Variants in AUH observed in about 807,000 individuals in gnomAD.
AUH encodes the protein AU RNA binding methylglutaconyl-CoA hydratase.
In AUH, 29 loss-of-function variants were observed where a neutral mutation model predicts 42.3. That is an observed-to-expected ratio of 0.69 (90% CI 0.51 to 0.93). The LOEUF (loss-of-function observed/expected upper bound fraction) is 0.93, where lower values mean the gene tolerates loss of function less well. Among genes scored for constraint, AUH ranks in the 40% least tolerant of loss-of-function variants. The probability of loss-of-function intolerance (pLI) is 0.00; values close to 1 mark genes in which losing one functional copy is unlikely to be tolerated. For missense variants in AUH, 452 were observed against 438.1 expected, an observed-to-expected ratio of 1.03 and a Z score of -0.28; for synonymous variants, 174 against 166.4, an observed-to-expected ratio of 1.05 and a Z score of -0.35.
chr9:91,278,715 C>A (rs1825737242), intron 6 of AUH, among the ~76,000 whole-genome samples: 1 of 152,100 alleles, frequency 6.6e-6, no homozygotes, highest in Non-Finnish European at 1.5e-5. Context: ...CCTCTTCCAG[C>A]CAAGATAGGG....
intron 4 of AUH, among the ~76,000 whole-genome samples, chr9:91,321,716 T>C (rs1004759875): frequency 1.3e-5 from 2 of 152,248 alleles, no homozygotes; most frequent in African/African-American, 2.4e-5. Flanking sequence ...GAATGGTTTT[T>C]ACATTTTTAA....
At chr9:91,331,957 T>C (rs1485147119) in intron 3 of AUH, among the ~76,000 whole-genome samples, 2 of 152,252 alleles carry the variant, frequency 1.3e-5, no homozygotes, top group African/African-American at 2.4e-5. Flanking sequence ...TGAGATCTAA[T>C]GCTTTAAGCC....
intron 3 of AUH, among the ~76,000 whole-genome samples, chr9:91,353,096 T>A (rs1014609164): frequency 1.3e-5 from 2 of 151,248 alleles, no homozygotes; most frequent in Admixed American, 1.3e-4. Flanking sequence ...TGAGGTTTCT[T>A]TTTTTTTTGA....
chr9:91,282,987 A>G (rs1826096048), intron 6 of AUH, among the ~76,000 whole-genome samples: 1 of 152,208 alleles, frequency 6.6e-6, no homozygotes, highest in African/African-American at 2.4e-5. Context: ...CCTGATACCA[A>G]AGCCTGGCAG....
chr9:91,282,569 T>A (rs991435798), intron 6 of AUH, among the ~76,000 whole-genome samples: 3 of 152,138 alleles, frequency 2.0e-5, no homozygotes, highest in African/African-American at 7.2e-5. Context: ...TGGTAGGAGC[T>A]GAGGTCAGAG....
chr9:91,284,625 A>G (rs1004519940), intron 6 of AUH, among the ~76,000 whole-genome samples: 16 of 152,180 alleles, frequency 1.1e-4, no homozygotes, highest in African/African-American at 3.9e-4. Context: ...GAGAAAAAAA[A>G]CAAACAACCT....
intron 4 of AUH, among the ~76,000 whole-genome samples, chr9:91,301,649 C>T (rs1212944238): frequency 6.6e-6 from 1 of 152,146 alleles, no homozygotes; most frequent in African/African-American, 2.4e-5. Context: ...CAGGCCCACA[C>T]CAGGGTCACT....
chr9:91,353,895 G>T (rs114214308), intron 3 of AUH, among the ~76,000 whole-genome samples: 59 of 150,746 alleles, frequency 3.9e-4, no homozygotes, highest in African/African-American at 1.2e-3. Flanking sequence ...TAAAAAAGAG[G>T]CCATGTGTGG....
chr9:91,270,122 C>T (rs1824995464), intron 6 of AUH, among the ~76,000 whole-genome samples: 1 of 152,128 alleles, frequency 6.6e-6, no homozygotes, highest in African/African-American at 2.4e-5. Context: ...TTGTAAGCAA[C>T]TAAAATTGAC....
At chr9:91,224,856 C>T (rs763496055) in intron 6 of AUH, among the ~76,000 whole-genome samples, 11 of 152,182 alleles carry the variant, frequency 7.2e-5, no homozygotes, top group Middle Eastern at 3.4e-3. Flanking sequence ...CTCAGGCATA[C>T]AAAATTCATG....
At chr9:91,356,643 A>G (rs111700492) in intron 1 of AUH, among the ~76,000 whole-genome samples, 6,226 of 152,206 alleles carry the variant, frequency 0.041, 195 homozygotes, top group Non-Finnish European at 0.055. Flanking sequence ...CTTCCAACTC[A>G]ACCTATACAA....
At chr9:91,299,034 C>G (rs1254308744) in intron 4 of AUH, among the ~76,000 whole-genome samples, 1 of 152,132 alleles carries the variant, frequency 6.6e-6, no homozygotes, top group Non-Finnish European at 1.5e-5. Flanking sequence ...GCCTGGCCAA[C>G]ATGGTGAAAC....
intron 6 of AUH, among the ~76,000 whole-genome samples, chr9:91,256,493 T>C (rs1829409746): frequency 1.3e-5 from 2 of 151,960 alleles, no homozygotes; most frequent in Non-Finnish European, 2.9e-5. Flanking sequence ...CTTCCAGCTA[T>C]GCATTACGGA....
intron 3 of AUH, among the ~76,000 whole-genome samples, chr9:91,353,764 G>A (rs1352867866): frequency 7.0e-6 from 1 of 141,962 alleles, no homozygotes; most frequent in Non-Finnish European, 1.5e-5. Flanking sequence ...GGTGAACCCA[G>A]GAGCCGAGAT....
intron 6 of AUH, among the ~76,000 whole-genome samples, chr9:91,249,025 G>A (rs1045345612): frequency 2.0e-5 from 3 of 152,016 alleles, no homozygotes; most frequent in African/African-American, 4.8e-5. Context: ...GGCCAGGCAC[G>A]GTGGCTTACA....
intron 6 of AUH, among the ~76,000 whole-genome samples, chr9:91,262,935 A>G (rs1175367180): frequency 6.6e-6 from 1 of 152,198 alleles, no homozygotes; most frequent in African/African-American, 2.4e-5. Flanking sequence ...ACAGGCCACA[A>G]AAGTTGCAAG....
intron 3 of AUH, among the ~76,000 whole-genome samples, chr9:91,347,993 T>C (rs1173161001): frequency 6.6e-6 from 1 of 151,452 alleles, no homozygotes; most frequent in African/African-American, 2.4e-5. Flanking sequence ...AAACAAATTA[T>C]AAGGCAGAAA....
chr9:91,318,637 A>G (rs563384270), intron 4 of AUH, among the ~76,000 whole-genome samples: 1 of 152,342 alleles, frequency 6.6e-6, no homozygotes, highest in South Asian at 2.1e-4. Flanking sequence ...ACTCCCGGCT[A>G]GAGACTGACA....
At chr9:91,326,021 G>A (rs983653187) in intron 3 of AUH, among the ~76,000 whole-genome samples, 19 of 152,100 alleles carry the variant, frequency 1.2e-4, no homozygotes, top group African/African-American at 3.9e-4. Context: ...GCACAGAATC[G>A]TAACTTTGGA....
Sources: gnomAD v4.1 joint callset for allele counts (sites outside exome capture counted in the v4.1 genomes callset) on GRCh38, gnomAD v4.1.1 for gene constraint, MANE v1.5 for transcripts, NCBI Gene and HGNC (gene_info 2026-07-23, HGNC 2026-07-21) for gene names.